The following RAPGEF6 variants were observed in gnomAD, a reference collection of about 807,000 sequenced individuals.
RAPGEF6 encodes PDZ domain containing guanine nucleotide exchange factor (GEF) 2.
Under a neutral mutation model 171.4 loss-of-function variants are expected in RAPGEF6, and 56 were observed. The ratio of observed to expected loss-of-function variants is 0.33; its 90% CI spans 0.26 to 0.41. RAPGEF6 has a LOEUF of 0.41. Among genes scored for constraint, RAPGEF6 ranks in the 10% least tolerant of loss-of-function variants. The probability of loss-of-function intolerance (pLI) is 1.00; values close to 1 mark genes in which losing one functional copy is unlikely to be tolerated. For missense variants in RAPGEF6, 1,674 were observed against 1,921.4 expected, an observed-to-expected ratio of 0.87 and a Z score of 2.41; for synonymous variants, 692 against 650.1, an observed-to-expected ratio of 1.06 and a Z score of -0.98.
rs1432452495 is a variant in RAPGEF6, at chr5:131,431,139, A to C, written c.4185T>G (p.His1395Gln). The change falls in exon 26 of 28, where the codon CAT (histidine) becomes CAG (glutamine). Residue 1395 changes from histidine (H) to glutamine (Q), a missense_variant. Transcript: ENST00000509018. Reference protein sequence around the residue: ...WDFLNSYRHTHLDDPIAEVEP... With the variant: ...WDFLNSYRHTQLDDPIAEVEP... ...CAACTTCAGCAATGGGGTCATCCAA[A>C]TGGGTATGTCTGTAAGAGTTCAAAA... The C allele has an allele frequency of 1.2e-6, 2 of 1,614,052 alleles. No homozygotes were observed. The highest frequency in any genetic ancestry group is 1.7e-6 in the Non-Finnish European group (2 of 1,180,040).
chr5:131,589,998 C>G (rs1418295192), intron 4 of RAPGEF6, among the ~76,000 whole-genome samples: 5 of 152,216 alleles, frequency 3.3e-5, no homozygotes, highest in African/African-American at 1.2e-4. Context: ...GGGTCTGTCT[C>G]CCTTTCAAGT....
intron 5 of RAPGEF6, among the ~76,000 whole-genome samples, chr5:131,556,840 C>T (rs1192142775): frequency 6.6e-6 from 1 of 152,138 alleles, no homozygotes; most frequent in Non-Finnish European, 1.5e-5. Context: ...AATATCCTTA[C>T]TATGGTAACT....
intron 1 of RAPGEF6, among the ~76,000 whole-genome samples, chr5:131,605,593 C>A (rs1386909998): frequency 1.3e-5 from 2 of 152,190 alleles, no homozygotes; most frequent in Non-Finnish European, 2.9e-5. Context: ...TATACCAGGG[C>A]AAACTACTTC....
rs926539260 is a variant in RAPGEF6 at position 131,426,701 on chromosome 5, G to A, written c.*565C>T. ...CAAGTCACATCTCTGTGTAGATCAAGCATATCACCTCTGTAAAGATGACTT... is the reference window on the plus strand; with the variant it reads ...CAAGTCACATCTCTGTGTAGATCAAACATATCACCTCTGTAAAGATGACTT... On this transcript the variant is annotated 3_prime_UTR_variant, in exon 28 of 28. Transcript: ENST00000509018. 1 of 156,386 alleles carries A rather than the reference G, an allele frequency of 6.4e-6. No homozygotes were observed. The highest frequency in any genetic ancestry group is 1.4e-5 in the Non-Finnish European group (1 of 71,404). 9.7% of individuals were successfully genotyped at this position (156,386 alleles called of 1,614,324 possible).
chr5:131,627,919 A>G (rs556029172), intron 1 of RAPGEF6, among the ~76,000 whole-genome samples: 1 of 152,276 alleles, frequency 6.6e-6, no homozygotes, highest in South Asian at 2.1e-4. Context: ...TACTACTGTA[A>G]TTGTTTTGGG....
chr5:131,551,978 T>C (rs935549536), intron 5 of RAPGEF6, among the ~76,000 whole-genome samples: 1 of 151,814 alleles, frequency 6.6e-6, no homozygotes, highest in Non-Finnish European at 1.5e-5. Flanking sequence ...GCACAAAAGG[T>C]ACAGAATCCA....
At chr5:131,450,622 C>G (rs1172562502) in intron 21 of RAPGEF6, among the ~76,000 whole-genome samples, 1 of 152,102 alleles carries the variant, frequency 6.6e-6, no homozygotes, top group Non-Finnish European at 1.5e-5. Flanking sequence ...CTTTACATTC[C>G]TGTTTGATTG....
At chr5:131,483,401 AT>A (rs553433825) in intron 15 of RAPGEF6, among the ~76,000 whole-genome samples, 115 of 152,054 alleles carry the variant, frequency 7.6e-4, no homozygotes, top group South Asian at 6.6e-3. Flanking sequence ...GTATGTAATT[AT>A]AAGCAAAAAT....
At chr5:131,499,180 A>C (rs917172651) in intron 11 of RAPGEF6, among the ~76,000 whole-genome samples, 2 of 152,206 alleles carry the variant, frequency 1.3e-5, no homozygotes, top group Non-Finnish European at 2.9e-5. Flanking sequence ...CCTCTCATAC[A>C]GTTTCCTCTC....
chr5:131,529,740 G>C (rs935851741), intron 6 of RAPGEF6, among the ~76,000 whole-genome samples: 2 of 151,932 alleles, frequency 1.3e-5, no homozygotes, highest in African/African-American at 4.8e-5. Context: ...GAGAGACCTT[G>C]TCTCTACAAA....
At chr5:131,497,375 T>G (rs569657417) in intron 12 of RAPGEF6, among the ~76,000 whole-genome samples, 6 of 152,320 alleles carry the variant, frequency 3.9e-5, no homozygotes, top group African/African-American at 1.4e-4. Context: ...GAGGTCCAAT[T>G]ATCTCTTTTT....
At chr5:131,547,663 C>T (rs1012180496) in intron 6 of RAPGEF6, among the ~76,000 whole-genome samples, 2 of 151,946 alleles carry the variant, frequency 1.3e-5, no homozygotes, top group Non-Finnish European at 2.9e-5. Flanking sequence ...GCATGCACTA[C>T]CACACCTGGC....
chr5:131,530,208 A>C (rs1204029772), intron 6 of RAPGEF6, among the ~76,000 whole-genome samples: 1 of 152,032 alleles, frequency 6.6e-6, no homozygotes, highest in Admixed American at 6.6e-5. Flanking sequence ...ACAAAGGAAA[A>C]AAAAAGCATG....
intron 1 of RAPGEF6, among the ~76,000 whole-genome samples, chr5:131,634,064 TGA>T (rs1766480655): frequency 6.6e-6 from 1 of 152,212 alleles, no homozygotes; most frequent in Non-Finnish European, 1.5e-5. Flanking sequence ...CCAACGTTAC[TGA>T]GACTCAGTAT....
chr5:131,468,968 G>C (rs997886710), intron 17 of RAPGEF6, among the ~76,000 whole-genome samples: 1 of 152,096 alleles, frequency 6.6e-6, no homozygotes, highest in Non-Finnish European at 1.5e-5. Context: ...TCACAAAATA[G>C]TTTTTCAAAA....
At chr5:131,604,981 T>C (rs1764468406) in intron 1 of RAPGEF6, among the ~76,000 whole-genome samples, 1 of 152,240 alleles carries the variant, frequency 6.6e-6, no homozygotes, top group South Asian at 2.1e-4. Context: ...ATTATTTCAC[T>C]TCTAAGCAGA....
chr5:131,466,484 G>A (rs950394162), intron 17 of RAPGEF6, among the ~76,000 whole-genome samples: 1 of 152,286 alleles, frequency 6.6e-6, no homozygotes, highest in Middle Eastern at 3.4e-3. Flanking sequence ...ATCTTGAATT[G>A]TAACTCCCAC....
chr5:131,523,679 G>C (rs1195489188), intron 6 of RAPGEF6, among the ~76,000 whole-genome samples: 1 of 152,112 alleles, frequency 6.6e-6, no homozygotes, highest in Non-Finnish European at 1.5e-5. Flanking sequence ...TGAAAAACCA[G>C]AGCCTGAGAA....
Position 131,429,203 on chromosome 5 carries a change from G to A in RAPGEF6, c.4479C>T (p.Thr1493=). Residue 1493 remains threonine, a synonymous_variant, in exon 27 of 28, where the codon ACC becomes ACT. Coordinates refer to ENST00000509018, the MANE Select transcript of RAPGEF6 (RefSeq NM_016340.6). Reference sequence around the variant, plus strand: ...TATACCTATCGTCCTTCTTGGGTGAGGTGACACAGTACACTGGCATGAAAA... The same window carrying A: ...TATACCTATCGTCCTTCTTGGGTGAAGTGACACAGTACACTGGCATGAAAA... ...TEKGLIVYCV[T]SPKKDDRYRE... The A allele has an allele frequency of 6.2e-7, 1 of 1,607,758 alleles. No homozygotes were observed. The highest frequency in any genetic ancestry group is 8.5e-7 in the Non-Finnish European group (1 of 1,174,964).
Sources: gnomAD v4.1 joint callset for allele counts (sites outside exome capture counted in the v4.1 genomes callset) on GRCh38, gnomAD v4.1.1 for gene constraint, MANE v1.5 for transcripts, NCBI Gene and HGNC (gene_info 2026-07-23, HGNC 2026-07-21) for gene names.